The following DEFB1 variants were observed in gnomAD, a reference collection of about 807,000 sequenced individuals.
DEFB1 encodes beta-defensin 1.
A neutral mutation model predicts 2.6 loss-of-function variants in DEFB1; 4 were observed. The ratio of observed to expected loss-of-function variants is 1.53; its 90% CI spans 0.76 to 3.51. DEFB1 has a LOEUF of 3.51. Among genes scored for constraint, DEFB1 ranks in the 30% most tolerant of loss-of-function variants. The pLI, the probability that DEFB1 is intolerant of heterozygous loss-of-function variation, is 0.01. For synonymous variants in DEFB1, 56 were observed against 28.5 expected, an observed-to-expected ratio of 1.96 and a Z score of -3.07; for missense variants, 162 against 76.9, an observed-to-expected ratio of 2.11 and a Z score of -4.14.
At chr8:6,877,095 C>T (rs5743425) in intron 1 of DEFB1, among the ~76,000 whole-genome samples, 1 of 152,100 alleles carries the variant, frequency 6.6e-6, no homozygotes, top group African/African-American at 2.4e-5. Context: ...ATGAATAAAC[C>T]AAGGCTTAGC....
chr8:6,871,166 A>G (rs187970531), intron 1 of DEFB1, among the ~76,000 whole-genome samples: 1 of 152,326 alleles, frequency 6.6e-6, no homozygotes, highest in Admixed American at 6.5e-5. Flanking sequence ...CCAAAATCAC[A>G]TCCTGTGTTT....
chr8:6,876,107 C>A (rs1022716489), intron 1 of DEFB1, among the ~76,000 whole-genome samples: 1 of 152,088 alleles, frequency 6.6e-6, no homozygotes, highest in Non-Finnish European at 1.5e-5. Context: ...ATGCACACAC[C>A]CCAAACTGAA....
At position 6,870,612 on chromosome 8, in the gene DEFB1, C is replaced by G; in HGVS notation, c.*69G>C. The G allele has an allele frequency of 2.6e-6, 4 of 1,565,270 alleles. No individual in the cohort carries two copies. Among genetic ancestry groups the G allele is most frequent in the Non-Finnish European group, 2.6e-6 (3 of 1,158,110 alleles). On this transcript the variant is annotated 3_prime_UTR_variant, in exon 2 of 2. Coordinates refer to ENST00000297439, the MANE Select transcript of DEFB1 (RefSeq NM_005218.4). ...GGAGGTATACTTCAAAAGCAATTTT[C>G]CTTTATTAAAAGAATGCTTATAAAA...
At chr8:6,876,516 C>T (rs1444713377) in intron 1 of DEFB1, among the ~76,000 whole-genome samples, 1 of 151,826 alleles carries the variant, frequency 6.6e-6, no homozygotes, top group African/African-American at 2.4e-5. Context: ...ACACGGTAGG[C>T]TGAGTGGAGT....
rs149869960 is a variant in DEFB1 at position 6,875,030 on chromosome 8, A to T, written c.61+2767T>A. 4.1e-4 allele frequency among the ~76,000 whole-genome samples: 62 copies of T among 150,874 alleles called. No homozygotes were observed. The East Asian group carries it at 0.012, about 29-fold the overall frequency. On this transcript the variant is annotated intron_variant, in intron 1 of 1. Transcript: ENST00000297439. ...GACAATCAGATATTCATATTGGGGA[A>T]AAAAAGTAACTTGACCGTTACTTCA...
chr8:6,870,706 C>T lies in DEFB1; in HGVS notation c.182G>A (p.Arg61Lys), dbSNP rs535871019. The change falls in exon 2 of 2, where the codon AGA becomes AAA. Residue 61 changes from arginine to lysine, a missense_variant. Transcript: ENST00000297439. ...TCACTTGCAGCACTTGGCCTTCCCT[C>T]TGTAACAGGTGCCTTGAATTTTGGT... is the stretch of plus-strand genomic sequence containing the variant. ...IFTKIQGTCY[R>K]GKAKCCK 6.2e-7 allele frequency: 1 copy of T among 1,614,210 alleles called. No homozygotes were observed. The highest frequency in any genetic ancestry group is 2.2e-5 in the East Asian group (1 of 44,888).
chr8:6,872,138 C>T lies in DEFB1; in HGVS notation c.62-1312G>A, dbSNP rs1235740446. ...TGGTCCCTTCCCAAACCTCTTCATT[C>T]TCCTGTGGATGTGTTTAAGTTGGCC... On this transcript the variant is annotated intron_variant, in intron 1 of 1. Coordinates refer to ENST00000297439, the MANE Select transcript of DEFB1 (RefSeq NM_005218.4). 2.6e-5 allele frequency among the ~76,000 whole-genome samples: 4 copies of T among 152,238 alleles called. No individual in the cohort carries two copies. The Middle Eastern group carries it at 0.01, about 388-fold the overall frequency.
chr8:6,877,265 T>C (rs568124361), intron 1 of DEFB1, among the ~76,000 whole-genome samples: 6 of 152,172 alleles, frequency 3.9e-5, no homozygotes, highest in Non-Finnish European at 8.8e-5. Flanking sequence ...CTGGGGAGAC[T>C]GCTAACCTGG....
intron 1 of DEFB1, among the ~76,000 whole-genome samples, chr8:6,871,785 C>G (rs753861073): frequency 3.4e-4 from 51 of 152,206 alleles, no homozygotes; most frequent in Middle Eastern, 3.2e-3. Context: ...GGACAGACAC[C>G]TGAGAAGAAG....
Position 6,870,793 on chromosome 8 carries a change from G to C in DEFB1, c.95C>G (p.Ser32Cys), listed in dbSNP as rs569413649. ...GNFLTGLGHRSDHYNCVSSGG... is the reference protein window; with the variant it reads ...GNFLTGLGHRCDHYNCVSSGG... ...ACTGCTGACGCAATTGTAATGATCA[G>C]ATCTGTGGCCAAGGCCTGTGAGAAA... Residue 32 changes from serine (S) to cysteine (C), a missense_variant, in exon 2 of 2, where the codon TCT (serine) becomes TGT (cysteine). Physicochemically the swap from Ser to Cys is moderately radical, Grantham distance 112. Coordinates refer to ENST00000297439, the MANE Select transcript of DEFB1 (RefSeq NM_005218.4). 47 of 1,614,096 alleles carry C rather than the reference G, an allele frequency of 2.9e-5. No individual in the cohort carries two copies. In the East Asian group the frequency reaches 9.1e-4, roughly 31 times the overall value.
At chr8:6,871,271 G>A (rs569910862) in intron 1 of DEFB1, among the ~76,000 whole-genome samples, 8 of 152,024 alleles carry the variant, frequency 5.3e-5, no homozygotes, top group African/African-American at 1.7e-4. Context: ...CTTGAATCCC[G>A]GCCCCCTCAC....
At chr8:6,873,447 T>C (rs1186784307) in intron 1 of DEFB1, among the ~76,000 whole-genome samples, 1 of 152,354 alleles carries the variant, frequency 6.6e-6, no homozygotes, top group Middle Eastern at 3.4e-3. Flanking sequence ...TCTAATCTAC[T>C]GTGTGATCTT....
chr8:6,876,724 G>A (rs1397235999), intron 1 of DEFB1, among the ~76,000 whole-genome samples: 4 of 151,206 alleles, frequency 2.6e-5, no homozygotes, highest in African/African-American at 9.7e-5. Flanking sequence ...GATGGCCTGA[G>A]CTCAGGAGGC....
At chr8:6,874,556 C>A (rs1806446667) in intron 1 of DEFB1, among the ~76,000 whole-genome samples, 1 of 152,034 alleles carries the variant, frequency 6.6e-6, no homozygotes, top group South Asian at 2.1e-4. Context: ...AGGCAATGTG[C>A]TTATGGCACA....
At chr8:6,875,879 A>G (rs1806508250) in intron 1 of DEFB1, among the ~76,000 whole-genome samples, 1 of 152,176 alleles carries the variant, frequency 6.6e-6, no homozygotes, top group Non-Finnish European at 1.5e-5. Context: ...AAAGAATATG[A>G]AAAGTTACCA....
At chr8:6,876,987 G>C (rs1209911676) in intron 1 of DEFB1, among the ~76,000 whole-genome samples, 2 of 152,176 alleles carry the variant, frequency 1.3e-5, no homozygotes, top group African/African-American at 2.4e-5. Flanking sequence ...GCTGGATACA[G>C]TGATGGCCTA....
rs143714323 is a variant in DEFB1 at position 6,877,151 on chromosome 8, T to G, written c.61+646A>C. Reference sequence around the variant, plus strand: ...AAGGATAGGGCTGGGATAAAACATGTTCCCGATTCCTCCTGCACGTCCCAC... The same window carrying G: ...AAGGATAGGGCTGGGATAAAACATGGTCCCGATTCCTCCTGCACGTCCCAC... On this transcript the variant is annotated intron_variant, in intron 1 of 1. Coordinates refer to ENST00000297439, the MANE Select transcript of DEFB1 (RefSeq NM_005218.4). 2.9e-3 allele frequency among the ~76,000 whole-genome samples: 449 copies of G among 152,304 alleles called. 3 individuals are homozygous for G. Among genetic ancestry groups the G allele is most frequent in the African/African-American group, 0.01 (428 of 41,572 alleles).
chr8:6,877,608 C>T (rs533280079), intron 1 of DEFB1, among the ~76,000 whole-genome samples, 189 bp downstream of exon 1: 18 of 152,354 alleles, frequency 1.2e-4, no homozygotes, highest in East Asian at 3.9e-4. Flanking sequence ...CTTGGCGGCT[C>T]ACAGACCCTG....
At chr8:6,871,702 G>C (rs1348451191) in intron 1 of DEFB1, among the ~76,000 whole-genome samples, 1 of 152,168 alleles carries the variant, frequency 6.6e-6, no homozygotes, top group Non-Finnish European at 1.5e-5. Flanking sequence ...CTTATAAGAA[G>C]AGATTGGGAC....
Sources: allele counts gnomAD v4.1 joint callset (sites outside exome capture counted in the v4.1 genomes callset), GRCh38; gene constraint gnomAD v4.1.1; transcripts MANE v1.5; gene names NCBI Gene and HGNC (gene_info 2026-07-23, HGNC 2026-07-21).